The following RAB11FIP4 variants were observed in gnomAD, a reference collection of about 807,000 sequenced individuals.
The protein encoded by RAB11FIP4 is RAB11 family interacting protein 4, also known as rab11 family-interacting protein 4.
In RAB11FIP4, 23 loss-of-function variants were observed where a neutral mutation model predicts 74.3. That is an observed-to-expected ratio of 0.31 (90% confidence interval 0.22 to 0.44). The LOEUF (loss-of-function observed/expected upper bound fraction) is 0.44, where lower values mean the gene tolerates loss of function less well. Among genes scored for constraint, RAB11FIP4 ranks in the 20% least tolerant of loss-of-function variants. The pLI is 1.00. For synonymous variants in RAB11FIP4, 360 were observed against 359.9 expected (o/e 1.00, Z 0.00); for missense variants, 630 against 863.9 (o/e 0.73, Z 3.39).
chr17:31,471,422 G>A (rs768847135), intron 3 of RAB11FIP4, among the ~76,000 whole-genome samples: 7 of 151,934 alleles, frequency 4.6e-5, no homozygotes, highest in Non-Finnish European at 1.0e-4. Context: ...TATCAGTGCC[G>A]GAGCACTCAT....
intron 3 of RAB11FIP4, among the ~76,000 whole-genome samples, chr17:31,493,978 C>T (rs971327059): frequency 1.2e-4 from 18 of 152,330 alleles, no homozygotes; most frequent in Middle Eastern, 3.4e-3. Flanking sequence ...TTCATCCACC[C>T]CCCTGCTTTG....
At chr17:31,483,759 T>G (rs906267486) in intron 3 of RAB11FIP4, among the ~76,000 whole-genome samples, 2 of 152,230 alleles carry the variant, frequency 1.3e-5, no homozygotes, top group African/African-American at 2.4e-5. Flanking sequence ...CATTAGGTAA[T>G]GTTCAGAAGG....
intron 3 of RAB11FIP4, among the ~76,000 whole-genome samples, 154 bp downstream of exon 3, chr17:31,434,276 G>T (rs1387110420): frequency 6.6e-6 from 1 of 152,090 alleles, no homozygotes; most frequent in Admixed American, 6.5e-5. Flanking sequence ...TGGAACAGGA[G>T]CCCTGAGTCC....
At position 31,430,418 on chromosome 17, in the gene RAB11FIP4, C is replaced by T. The variant is rs148252131; in HGVS notation, c.160-1395C>T. Among the ~76,000 whole-genome samples, 548 of 139,900 alleles carry T rather than the reference C, an allele frequency of 3.9e-3. 3 individuals are homozygous for T. Among genetic ancestry groups the T allele is most frequent in the African/African-American group, 0.014 (516 of 36,002 alleles). 91.8% of individuals were successfully genotyped at this position (139,900 alleles called of 152,430 possible). A position where few individuals can be genotyped will look rare whatever the true frequency, so the allele number is the denominator to read the frequency against. Reference sequence around the variant, plus strand: ...AGTCGCCCAGGCTGGAGTGCAGTGGCGTGATCTCAGCTCAATGCAACCTCT... The same window carrying T: ...AGTCGCCCAGGCTGGAGTGCAGTGGTGTGATCTCAGCTCAATGCAACCTCT... On this transcript the variant is annotated intron_variant, in intron 1 of 14. Coordinates refer to ENST00000621161, the MANE Select transcript of RAB11FIP4 (RefSeq NM_032932.6).
intron 1 of RAB11FIP4, among the ~76,000 whole-genome samples, chr17:31,423,625 A>G (rs980492608): frequency 1.3e-5 from 2 of 151,800 alleles, no homozygotes; most frequent in African/African-American, 2.4e-5. Context: ...CAGTTTTCAA[A>G]GCCTTTGCAG....
chr17:31,426,216 C>T (rs1022644078), intron 1 of RAB11FIP4, among the ~76,000 whole-genome samples: 3 of 152,156 alleles, frequency 2.0e-5, no homozygotes, highest in Non-Finnish European at 4.4e-5. Context: ...GTGGCTGACT[C>T]TCTGGGGTCA....
chr17:31,513,966 C>T (rs1357609186), intron 3 of RAB11FIP4, among the ~76,000 whole-genome samples: 1 of 152,188 alleles, frequency 6.6e-6, no homozygotes, highest in Non-Finnish European at 1.5e-5. Flanking sequence ...GCCCTGTCTA[C>T]CCCAGGCAGC....
chr17:31,521,750 G>A lies in RAB11FIP4; in HGVS notation c.759-165G>A, dbSNP rs1458619917. The A allele has an allele frequency of 3.0e-5, 22 of 741,312 alleles. No individual in the cohort carries two copies. The East Asian group carries it at 3.5e-4, about 12-fold the overall frequency. 45.9% of individuals were successfully genotyped at this position (741,312 alleles called of 1,614,324 possible). On this transcript the variant is annotated intron_variant, in intron 5 of 14. Coordinates refer to ENST00000621161, the MANE Select transcript of RAB11FIP4 (RefSeq NM_032932.6). ...ATGCCTCACTGGCTTCTCTTTGAGCGTGTTGGAGAAGGGATGATCTGTTGC... is the reference window on the plus strand; with the variant it reads ...ATGCCTCACTGGCTTCTCTTTGAGCATGTTGGAGAAGGGATGATCTGTTGC...
intron 3 of RAB11FIP4, among the ~76,000 whole-genome samples, chr17:31,480,849 C>G (rs533359003): frequency 4.0e-5 from 6 of 150,598 alleles, no homozygotes; most frequent in Non-Finnish European, 5.9e-5. Context: ...TCCAGGGTCT[C>G]TCTATGCCCA....
intron 3 of RAB11FIP4, among the ~76,000 whole-genome samples, chr17:31,443,208 C>T (rs1384438766): frequency 6.6e-6 from 1 of 152,150 alleles, no homozygotes; most frequent in Non-Finnish European, 1.5e-5. Flanking sequence ...CATGAATTGC[C>T]TGTCGACATT....
intron 3 of RAB11FIP4, among the ~76,000 whole-genome samples, chr17:31,504,132 CTTT>C (rs1380330116): frequency 7.3e-6 from 1 of 136,290 alleles, no homozygotes; most frequent in Non-Finnish European, 1.6e-5. Context: ...ACTACTACTT[CTTT>C]TTTTTTTTTT....
At chr17:31,523,835 G>T (rs1472310624) in intron 8 of RAB11FIP4, 58 bp from the exon 9 acceptor site, 28 of 1,340,428 alleles carry the variant, frequency 2.1e-5, no homozygotes, top group Non-Finnish European at 2.5e-5. Context: ...TGGCGTCGAG[G>T]TTCTCGGTTC....
At chr17:31,521,055 A>C in intron 4 of RAB11FIP4, 111 bp from the exon 5 acceptor site, 2 of 820,016 alleles carry the variant, frequency 2.4e-6, no homozygotes, top group Non-Finnish European at 3.8e-6. Context: ...AAGAGCTACA[A>C]ACTTAATCGG....
At chr17:31,514,321 C>T (rs1474487772) in intron 3 of RAB11FIP4, among the ~76,000 whole-genome samples, 2 of 152,218 alleles carry the variant, frequency 1.3e-5, no homozygotes, top group East Asian at 3.9e-4. Flanking sequence ...CCTCTGTGTC[C>T]TCGTGTCAGT....
chr17:31,397,669 G>A (rs917712294), intron 1 of RAB11FIP4, among the ~76,000 whole-genome samples: 4 of 152,168 alleles, frequency 2.6e-5, no homozygotes, highest in African/African-American at 9.7e-5. Context: ...GAGGTTGGAG[G>A]TCATCATGGA....
chr17:31,482,379 G>A (rs2071858291), intron 3 of RAB11FIP4, among the ~76,000 whole-genome samples: 1 of 151,874 alleles, frequency 6.6e-6, no homozygotes, highest in South Asian at 2.1e-4. Context: ...GATCACTTGA[G>A]GCCAGTTCAA....
chr17:31,401,327 C>T (rs895546055), intron 1 of RAB11FIP4, among the ~76,000 whole-genome samples: 10 of 151,898 alleles, frequency 6.6e-5, no homozygotes, highest in Non-Finnish European at 1.3e-4. Context: ...TTCTTGGAGA[C>T]TCCCCCAGGG....
chr17:31,477,502 A>G (rs1424400588), intron 3 of RAB11FIP4, among the ~76,000 whole-genome samples: 1 of 152,224 alleles, frequency 6.6e-6, no homozygotes, highest in Non-Finnish European at 1.5e-5. Flanking sequence ...AGGTCCCCAG[A>G]CAAGCTGTGG....
intron 1 of RAB11FIP4, among the ~76,000 whole-genome samples, chr17:31,426,279 T>A (rs750091962): frequency 6.6e-6 from 1 of 152,000 alleles, no homozygotes; most frequent in Non-Finnish European, 1.5e-5. Context: ...ATTTTAAATT[T>A]AAAAAAAGGA....
Sources: gnomAD v4.1 joint callset for allele counts (sites outside exome capture counted in the v4.1 genomes callset) on GRCh38, gnomAD v4.1.1 for gene constraint, MANE v1.5 for transcripts, NCBI Gene and HGNC (gene_info 2026-07-23, HGNC 2026-07-21) for gene names.